The following PCDHGA7 variants were observed in gnomAD, a reference collection of about 807,000 sequenced individuals.
PCDHGA7 encodes the protein protocadherin gamma-A7.
A neutral mutation model predicts 58.3 loss-of-function variants in PCDHGA7; 44 were observed. That is an observed-to-expected ratio of 0.75 (90% CI 0.59 to 0.97). The LOEUF (loss-of-function observed/expected upper bound fraction) is 0.97, where lower values mean the gene tolerates loss of function less well. Among genes scored for constraint, PCDHGA7 ranks in the 50% least tolerant of loss-of-function variants. The pLI is 0.00. For synonymous variants in PCDHGA7, 516 were observed against 504.2 expected (o/e 1.02, Z -0.31); for missense variants, 1,266 against 1,188.7 (o/e 1.06, Z -0.96).
chr5:141,386,398 C>T (rs904703549), intron 1 of PCDHGA7, among the ~76,000 whole-genome samples: 2 of 151,972 alleles, frequency 1.3e-5, no homozygotes, highest in South Asian at 2.1e-4. Flanking sequence ...ACACTTTTAG[C>T]CAGGTATGGT....
At chr5:141,389,829 C>T in intron 1 of PCDHGA7, 3 of 1,613,980 alleles carry the variant, frequency 1.9e-6, no homozygotes, top group Non-Finnish European at 2.5e-6. Context: ...TGACGGTGGA[C>T]AGCCACCACT....
intron 1 of PCDHGA7, chr5:141,430,690 G>A: frequency 1.4e-6 from 2 of 1,410,426 alleles, no homozygotes; most frequent in Non-Finnish European, 1.9e-6. Flanking sequence ...CCCATTCTAT[G>A]GGCGAAGGAA....
In PCDHGA7 at chr5:141,383,588, T is replaced by C; in HGVS notation, c.689T>C (p.Val230Ala). 1 of 1,613,646 alleles carries C rather than the reference T, an allele frequency of 6.2e-7. No individual in the cohort carries two copies. The highest frequency in any genetic ancestry group is 8.5e-7 in the Non-Finnish European group (1 of 1,179,842). The stretch of plus-strand genomic sequence containing the variant: ...CGATCCAGCACCGCCCACATCCAGG[T>C]GACAGTGGTGGATGTGAATGACCAC... ...PPRSSTAHIQ[V>A]TVVDVNDHTP... Residue 230 changes from valine (V) to alanine (A), a missense_variant, in exon 1 of 4, where the codon GTG becomes GCG. Val to Ala is a moderately conservative substitution (Grantham distance 64). Transcript: ENST00000518325.
intron 1 of PCDHGA7, chr5:141,418,372 A>G (rs771262387): frequency 3.1e-6 from 5 of 1,613,968 alleles, no homozygotes; most frequent in Non-Finnish European, 3.4e-6. Context: ...GCAAATACCA[A>G]CTAAGTCCTA....
In PCDHGA7 at chr5:141,476,316, G is replaced by A. The variant is rs536532455; in HGVS notation, c.2425-18491G>A. On this transcript the variant is annotated intron_variant, in intron 1 of 3. Coordinates refer to ENST00000518325, the MANE Select transcript of PCDHGA7 (RefSeq NM_018920.4). This position sits in a 1 kb window ranked among gnomAD's most constrained non-coding sequence, Gnocchi z 7.6. ...GGTAGCCTCTCAGCCCGCAGGTTCC[G>A]GGTGGTGTCTGGAGCTAGCCGAAGA... is the stretch of plus-strand genomic sequence containing the variant. The A allele has an allele frequency of 6.2e-7, 1 of 1,614,176 alleles. No individual in the cohort carries two copies. The highest frequency in any genetic ancestry group is 1.7e-5 in the Admixed American group (1 of 60,028).
chr5:141,399,138 T>C (rs757310717), intron 1 of PCDHGA7: 3 of 1,613,774 alleles, frequency 1.9e-6, no homozygotes, highest in Non-Finnish European at 2.5e-6. Context: ...AAGATGAAAA[T>C]GACAATAGCC....
rs1293684074 is a variant in PCDHGA7 at position 141,512,899 on chromosome 5, C to T, written c.*1726C>T. On this transcript the variant is annotated 3_prime_UTR_variant, in exon 4 of 4. Transcript: ENST00000518325. ...CCCACCCCACCCTCTTCCTGTGTCT[C>T]ACGCAAGTTTTATACTCTAATATTT... 1 of 152,260 alleles carries T rather than the reference C, an allele frequency of 6.6e-6. No homozygotes were observed. Among genetic ancestry groups the T allele is most frequent in the Non-Finnish European group, 1.5e-5 (1 of 68,064 alleles). 9.4% of individuals were successfully genotyped at this position (152,260 alleles called of 1,614,324 possible). A position where few individuals can be genotyped will look rare whatever the true frequency, so the allele number is the denominator to read the frequency against.
At chr5:141,403,876 T>A (rs1189942027) in intron 1 of PCDHGA7, 3 of 1,613,702 alleles carry the variant, frequency 1.9e-6, no homozygotes, top group African/African-American at 1.3e-5. Flanking sequence ...AAAGTCTAGA[T>A]TATGAAGAAT....
chr5:141,421,201 C>A, intron 1 of PCDHGA7: 3 of 1,518,204 alleles, frequency 2.0e-6, no homozygotes, highest in Non-Finnish European at 2.6e-6. Context: ...GCTCGAGAAA[C>A]CGCGGAATAT....
intron 1 of PCDHGA7, chr5:141,388,942 T>C: frequency 6.2e-7 from 1 of 1,614,004 alleles, no homozygotes; most frequent in African/African-American, 1.3e-5. Flanking sequence ...CTACCCAACC[T>C]AATTATGGAG....
At chr5:141,410,260 T>C in intron 1 of PCDHGA7, 1 of 1,614,054 alleles carries the variant, frequency 6.2e-7, no homozygotes, top group Non-Finnish European at 8.5e-7. Context: ...ACCCCCAGGC[T>C]GAACTGCAGT....
rs1369130732 is a variant in PCDHGA7, at chr5:141,382,820, A to T, written c.-80A>T. 3.1e-6 allele frequency: 4 copies of T among 1,304,848 alleles called. No individual in the cohort carries two copies. The highest frequency in any genetic ancestry group is 4.2e-6 in the Non-Finnish European group (4 of 945,242). 80.8% of individuals were successfully genotyped at this position (1,304,848 alleles called of 1,614,324 possible). A position where few individuals can be genotyped will look rare whatever the true frequency, so the allele number is the denominator to read the frequency against. On this transcript the variant is annotated 5_prime_UTR_variant, in exon 1 of 4. Coordinates refer to ENST00000518325, the MANE Select transcript of PCDHGA7 (RefSeq NM_018920.4). Reference sequence around the variant, plus strand: ...TGGATTCTGAGCTCCCCTTCCTAAGACAGAGGGGTCCACCCGGATACACCC... The same window carrying T: ...TGGATTCTGAGCTCCCCTTCCTAAGTCAGAGGGGTCCACCCGGATACACCC...
At chr5:141,446,718 C>G (rs1279970040) in intron 1 of PCDHGA7, among the ~76,000 whole-genome samples, 1 of 152,174 alleles carries the variant, frequency 6.6e-6, no homozygotes, top group Non-Finnish European at 1.5e-5. Flanking sequence ...CTGCCCGCCT[C>G]GGCCTCCCAA....
chr5:141,476,738 C>T lies in PCDHGA7; in HGVS notation c.2425-18069C>T. 6.2e-7 allele frequency: 1 copy of T among 1,614,076 alleles called. No individual in the cohort carries two copies. The highest frequency in any genetic ancestry group is 2.2e-5 in the East Asian group (1 of 44,880). On this transcript the variant is annotated intron_variant, in intron 1 of 3. Transcript: ENST00000518325. This position sits in a 1 kb window ranked among gnomAD's most constrained non-coding sequence, Gnocchi z 7.6. Reference sequence around the variant, plus strand: ...GCGCGCCCTGGACCGAGAACGGGAGCCTAGTCTCCAGTTAGTGCTGACGGC... The same window carrying T: ...GCGCGCCCTGGACCGAGAACGGGAGTCTAGTCTCCAGTTAGTGCTGACGGC...
chr5:141,432,209 A>C lies in PCDHGA7; in HGVS notation c.2424+46886A>C, dbSNP rs1473794319. ...CGCCCACGACCCCGACTGTGAAGAGAACGCCCAGATCACTTATTCCCTGGC... is the reference window on the plus strand; with the variant it reads ...CGCCCACGACCCCGACTGTGAAGAGCACGCCCAGATCACTTATTCCCTGGC... On this transcript the variant is annotated intron_variant, in intron 1 of 3. Transcript: ENST00000518325. This position sits in a 1 kb window ranked among gnomAD's most constrained non-coding sequence, Gnocchi z 6.0. 2 of 1,614,098 alleles carry C rather than the reference A, an allele frequency of 1.2e-6. No homozygotes were observed. Among genetic ancestry groups the C allele is most frequent in the Non-Finnish European group, 8.5e-7 (1 of 1,180,032 alleles).
At chr5:141,404,703 C>T (rs545479443) in intron 1 of PCDHGA7, 3 of 1,614,124 alleles carry the variant, frequency 1.9e-6, no homozygotes, top group African/African-American at 2.7e-5. Flanking sequence ...TCTGCAGAGC[C>T]TGGCTACCTG....
intron 1 of PCDHGA7, among the ~76,000 whole-genome samples, chr5:141,463,573 C>T (rs1331124291): frequency 6.6e-6 from 1 of 151,436 alleles, no homozygotes; most frequent in East Asian, 1.9e-4. Flanking sequence ...CTCAGCCTCC[C>T]GAGTAGCTGG....
At chr5:141,460,666 C>G (rs1245201344) in intron 1 of PCDHGA7, among the ~76,000 whole-genome samples, 1 of 151,670 alleles carries the variant, frequency 6.6e-6, no homozygotes, top group South Asian at 2.1e-4. Context: ...ACTGTAAACA[C>G]AGTTATATAT....
chr5:141,393,815 C>T (rs2092850609), intron 1 of PCDHGA7: 1 of 1,613,922 alleles, frequency 6.2e-7, no homozygotes, highest in Non-Finnish European at 8.5e-7. Context: ...CCAAATTGCT[C>T]ATTTCGGTGG....
Sources: gnomAD v4.1 joint callset for allele counts (sites outside exome capture counted in the v4.1 genomes callset) on GRCh38, gnomAD v4.1.1 for gene constraint, Gnocchi (gnomAD v3.1) non-coding constraint, MANE v1.5 for transcripts, NCBI Gene and HGNC (gene_info 2026-07-23, HGNC 2026-07-21) for gene names.